Variants in GAB4 observed in about 807,000 individuals in gnomAD.
GAB4 encodes GRB2-associated-binding protein 4.
GAB4 carries 26 observed loss-of-function variants against 51.3 expected under a neutral mutation model. The ratio of observed to expected loss-of-function variants is 0.51; its 90% CI spans 0.37 to 0.70. The LOEUF (loss-of-function observed/expected upper bound fraction) is 0.70. Ranked by LOEUF, GAB4 falls within the 30% of genes least tolerant of loss-of-function variation. The pLI, the probability that GAB4 is intolerant of heterozygous loss-of-function variation, is 0.00. For synonymous variants in GAB4, 329 were observed against 291.2 expected (o/e 1.13, Z -1.32); for missense variants, 759 against 734.6 (o/e 1.03, Z -0.38).
rs200882015 is a variant in GAB4, at chr22:16,968,373, G to A, written c.948C>T (p.Gly316=). Residue 316 remains glycine, a synonymous_variant, in exon 5 of 10, where the codon GGC becomes GGT. Transcript: ENST00000400588. Reference sequence around the variant, plus strand: ...TCCCTCCACCATGCTGGGTGTACTTGCCGGAGGAAGCTACGACAGAGGAAG... The same window carrying A: ...TCCCTCCACCATGCTGGGTGTACTTACCGGAGGAAGCTACGACAGAGGAAG... ...GSEADNEASS[G]KYTQHGGGNA... 2.9e-5 allele frequency: 47 copies of A among 1,613,690 alleles called. No individual in the cohort carries two copies. The East Asian group carries it at 5.3e-4, about 18-fold the overall frequency.
At chr22:16,982,763 G>A (rs924105039) in intron 3 of GAB4, among the ~76,000 whole-genome samples, 1 of 152,194 alleles carries the variant, frequency 6.6e-6, no homozygotes, top group Non-Finnish European at 1.5e-5. Flanking sequence ...GGGAAAAGCT[G>A]AGTGTTGGGA....
intron 1 of GAB4, among the ~76,000 whole-genome samples, chr22:16,999,159 C>T (rs1266829034): frequency 2.6e-5 from 4 of 152,246 alleles, no homozygotes; most frequent in East Asian, 3.9e-4. Flanking sequence ...CTTCATAAAA[C>T]GAATTAGGGA....
chr22:16,991,584 G>A (rs1185317311), intron 2 of GAB4, among the ~76,000 whole-genome samples: 1 of 152,186 alleles, frequency 6.6e-6, no homozygotes, highest in African/African-American at 2.4e-5. Flanking sequence ...GTCTGAAGTA[G>A]GGCCAGAACA....
chr22:16,990,749 T>C (rs1341681251), intron 2 of GAB4, among the ~76,000 whole-genome samples: 2 of 152,220 alleles, frequency 1.3e-5, no homozygotes, highest in Non-Finnish European at 1.5e-5. Context: ...CAATGGGCTA[T>C]AGCTCCAGAA....
intron 3 of GAB4, among the ~76,000 whole-genome samples, chr22:16,972,305 G>A (rs752174889): frequency 3.2e-4 from 48 of 152,202 alleles, no homozygotes; most frequent in Non-Finnish European, 6.2e-4. Context: ...AAGAGTGCCA[G>A]GAAAGCCTTA....
At chr22:16,962,941 C>A in intron 9 of GAB4, 65 bp from the exon 10 acceptor site, 4 of 1,500,108 alleles carry the variant, frequency 2.7e-6, no homozygotes, top group Non-Finnish European at 2.7e-6. Context: ...GAAGGGCAGG[C>A]CAAGGAGTGG....
At chr22:17,006,123 C>T (rs1425848049) in intron 1 of GAB4, among the ~76,000 whole-genome samples, 2 of 152,162 alleles carry the variant, frequency 1.3e-5, no homozygotes, top group African/African-American at 4.8e-5. Context: ...ATCTATCCAT[C>T]TGACAAAGGG....
chr22:16,992,258 G>C lies in GAB4; in HGVS notation c.175-82C>G, dbSNP rs2060920287. 4.0e-6 allele frequency: 5 copies of C among 1,259,748 alleles called. No homozygotes were observed. In the South Asian group the frequency reaches 7.1e-5, roughly 18 times the overall value. 78.0% of individuals were successfully genotyped at this position (1,259,748 alleles called of 1,614,324 possible). ...AGGTCTGAGACATCACTAAGTTAAGGATGGGACTCGGACCTGCACTCAGCC... is the reference window on the plus strand; with the variant it reads ...AGGTCTGAGACATCACTAAGTTAAGCATGGGACTCGGACCTGCACTCAGCC... On this transcript the variant is annotated intron_variant, in intron 1 of 9. Transcript: ENST00000400588.
At chr22:17,007,267 T>G (rs1404885470) in intron 1 of GAB4, among the ~76,000 whole-genome samples, 2 of 152,210 alleles carry the variant, frequency 1.3e-5, no homozygotes, top group African/African-American at 4.8e-5. Flanking sequence ...AATTAGCCAC[T>G]AGGGGAAAGG....
intron 1 of GAB4, among the ~76,000 whole-genome samples, chr22:16,996,257 G>GA (rs532463715): frequency 2.0e-5 from 3 of 150,552 alleles, no homozygotes; most frequent in Non-Finnish European, 3.0e-5. Context: ...CAAGATTAGA[G>GA]AAAAAAAAAC....
At chr22:16,979,980 G>A (rs561455205) in intron 3 of GAB4, among the ~76,000 whole-genome samples, 6 of 152,126 alleles carry the variant, frequency 3.9e-5, no homozygotes, top group South Asian at 4.2e-4. Context: ...AAACTGGACC[G>A]CTTCCTTACA....
Position 16,964,855 on chromosome 22 carries a change from A to G in GAB4, c.1387T>C (p.Phe463Leu). 6.2e-7 allele frequency: 1 copy of G among 1,613,582 alleles called. No homozygotes were observed. The highest frequency in any genetic ancestry group is 8.5e-7 in the Non-Finnish European group (1 of 1,179,584). ...GGGTGTTGGGAGGAGCTGGAGTCAA[A>G]GGTGTGGCTGTCATGGGAAGAAGGC... ...TEPWSGTSHTFDSSSSQHPIS... is the reference protein window; with the variant it reads ...TEPWSGTSHTLDSSSSQHPIS... The change falls in exon 8 of 10, where the codon TTT becomes CTT. Residue 463 changes from phenylalanine to leucine, a missense_variant. Physicochemically the swap from Phe to Leu is conservative, Grantham distance 22. Coordinates refer to ENST00000400588, the MANE Select transcript of GAB4 (RefSeq NM_001037814.1).
At chr22:17,007,527 G>T (rs1237999308) in intron 1 of GAB4, among the ~76,000 whole-genome samples, 1 of 151,290 alleles carries the variant, frequency 6.6e-6, no homozygotes, top group Non-Finnish European at 1.5e-5. Flanking sequence ...AAGGTGAGCA[G>T]GTTTAAGGCG....
At position 16,988,232 on chromosome 22, in the gene GAB4, A is replaced by G. The variant is rs1601277506; in HGVS notation, c.479-65T>C. 1.9e-5 allele frequency: 20 copies of G among 1,060,224 alleles called. No homozygotes were observed. The East Asian group carries it at 4.8e-4, about 25-fold the overall frequency. 65.7% of individuals were successfully genotyped at this position (1,060,224 alleles called of 1,614,324 possible). On this transcript the variant is annotated intron_variant, in intron 2 of 9. Coordinates refer to ENST00000400588, the MANE Select transcript of GAB4 (RefSeq NM_001037814.1). Reference sequence around the variant, plus strand: ...AGTGGGCTGCTAGAGGCAGAAACACATGAAGACAGTGGCGGTAATCCAGCA... The same window carrying G: ...AGTGGGCTGCTAGAGGCAGAAACACGTGAAGACAGTGGCGGTAATCCAGCA...
At chr22:16,988,813 G>A (rs1273849486) in intron 2 of GAB4, among the ~76,000 whole-genome samples, 1 of 152,138 alleles carries the variant, frequency 6.6e-6, no homozygotes, top group Non-Finnish European at 1.5e-5. Context: ...CACGACCAAG[G>A]TATATGGCAG....
chr22:17,006,079 C>A (rs1390309063), intron 1 of GAB4, among the ~76,000 whole-genome samples: 1 of 152,142 alleles, frequency 6.6e-6, no homozygotes, highest in Admixed American at 6.6e-5. Context: ...TCAGCGTGAA[C>A]AGGCAACCTA....
intron 5 of GAB4, 86 bp downstream of exon 5, chr22:16,968,212 C>T: frequency 1.1e-6 from 1 of 948,246 alleles, no homozygotes; most frequent in Non-Finnish European, 1.7e-6. Flanking sequence ...TGCTGTCACC[C>T]TTTGGGGGAT....
At chr22:16,990,770 A>G (rs1244959854) in intron 2 of GAB4, among the ~76,000 whole-genome samples, 4 of 152,216 alleles carry the variant, frequency 2.6e-5, no homozygotes, top group East Asian at 1.9e-4. Context: ...ACATCCTTTC[A>G]AAGCAGTTCT....
At chr22:16,973,673 C>T (rs146043282) in intron 3 of GAB4, among the ~76,000 whole-genome samples, 8 of 152,358 alleles carry the variant, frequency 5.3e-5, no homozygotes, top group African/African-American at 1.9e-4. Flanking sequence ...TCCCTCTCAT[C>T]TTAAGCATAC....
Sources: gnomAD v4.1 joint callset for allele counts (sites outside exome capture counted in the v4.1 genomes callset) on GRCh38, gnomAD v4.1.1 for gene constraint, MANE v1.5 for transcripts, NCBI Gene and HGNC (gene_info 2026-07-23, HGNC 2026-07-21) for gene names.